The following TRMT44 variants were observed in gnomAD, a reference collection of about 807,000 sequenced individuals.
TRMT44 encodes the protein probable tRNA (uracil-O(2)-)-methyltransferase.
TRMT44 carries 78 observed loss-of-function variants against 77.3 expected under a neutral mutation model. The observed-to-expected ratio is 1.01, with a 90% confidence interval of 0.84 to 1.22. TRMT44 has a LOEUF of 1.22. Ranked by LOEUF, TRMT44 falls within the 50% of genes most tolerant of loss-of-function variation. The pLI is 0.00. For missense variants in TRMT44, 1,090 were observed against 964.4 expected (o/e 1.13, Z -1.73); for synonymous variants, 391 against 383.3 (o/e 1.02, Z -0.23).
At chr4:8,458,532 A>G (rs566696880) in intron 6 of TRMT44, among the ~76,000 whole-genome samples, 46 of 138,274 alleles carry the variant, frequency 3.3e-4, no homozygotes, top group Non-Finnish European at 5.6e-4. Context: ...GGTGTGATCT[A>G]GGTTCACTGC....
Position 8,446,623 on chromosome 4 carries a change from G to A in TRMT44, c.734+33G>A. 1.4e-6 allele frequency: 2 copies of A among 1,438,634 alleles called. No individual in the cohort carries two copies. Among genetic ancestry groups the A allele is most frequent in the African/African-American group, 1.4e-5 (1 of 70,534 alleles). 89.1% of individuals were successfully genotyped at this position (1,438,634 alleles called of 1,614,324 possible). A position where few individuals can be genotyped will look rare whatever the true frequency, so the allele number is the denominator to read the frequency against. ...CTGGACAGTGGACTCCTAGTTTTAT[G>A]GTTTCCATTGAGGATTTCTTTAGGT... is the stretch of plus-strand genomic sequence containing the variant. On this transcript the variant is annotated intron_variant, in intron 2 of 10. Transcript: ENST00000389737. This position sits in a 1 kb window ranked among gnomAD's most constrained non-coding sequence, Gnocchi z 4.3.
chr4:8,464,216 A>G (rs925234597), intron 7 of TRMT44, 125 bp downstream of exon 7: 11 of 661,460 alleles, frequency 1.7e-5, no homozygotes, highest in African/African-American at 1.1e-4. Context: ...GGTAGTTCCA[A>G]TTGTTGAAAT....
Position 8,454,742 on chromosome 4 carries a change from C to T in TRMT44, c.1132C>T (p.His378Tyr). Residue 378 changes from histidine (H) to tyrosine (Y), a missense_variant and splice_region_variant, in exon 6 of 11, where the codon CAT (histidine) becomes TAT (tyrosine). Coordinates refer to ENST00000389737, the MANE Select transcript of TRMT44 (RefSeq NM_152544.3). The part of the protein sequence containing the change: ...LLVHILSSEG[H>Y]PGRGIDVRRR... ...TGATTTCTAAAATTAATTTTTTCAG[C>T]ATCCAGGCAGAGGGATTGATGTCCG... 6.2e-7 allele frequency: 1 copy of T among 1,614,094 alleles called. No homozygotes were observed. Among genetic ancestry groups the T allele is most frequent in the Non-Finnish European group, 8.5e-7 (1 of 1,179,936 alleles).
At chr4:8,443,171 C>G (rs1724859693) in intron 1 of TRMT44, among the ~76,000 whole-genome samples, 2 of 152,122 alleles carry the variant, frequency 1.3e-5, no homozygotes, top group Admixed American at 6.5e-5. Flanking sequence ...CCAGTCCAGT[C>G]TAGTTTAGGA....
downstream of TRMT44, among the ~76,000 whole-genome samples, chr4:8,479,850 G>A (rs1174566623): frequency 6.6e-6 from 1 of 151,936 alleles, no homozygotes; most frequent in Non-Finnish European, 1.5e-5. Context: ...AACACACATC[G>A]TACAGCTGTA....
At position 8,441,103 on chromosome 4, in the gene TRMT44, G is replaced by A. The variant is rs1214160375; in HGVS notation, c.281G>A (p.Gly94Asp). The change falls in exon 1 of 11, where the codon GGC becomes GAC. Residue 94 changes from glycine to aspartate, a missense_variant. By Grantham distance (94) the Gly-to-Asp change is moderately conservative (BLOSUM62 -1). Transcript: ENST00000389737. Reference protein sequence around the residue: ...GPRSLSGPEQGTACCELEEAQ... With the variant: ...GPRSLSGPEQDTACCELEEAQ... ...AGGTCGCTATCAGGACCCGAGCAGG[G>A]CACGGCATGTTGCGAACTTGAGGAG... 6.6e-7 allele frequency: 1 copy of A among 1,515,372 alleles called. No individual in the cohort carries two copies. Among genetic ancestry groups the A allele is most frequent in the South Asian group, 1.2e-5 (1 of 81,458 alleles). 93.9% of individuals were successfully genotyped at this position (1,515,372 alleles called of 1,614,324 possible).
At chr4:8,513,787 A>G in the TRMT44 span, among the ~76,000 whole-genome samples, 1 of 152,214 alleles carries the variant, frequency 6.6e-6, no homozygotes, top group East Asian at 1.9e-4. Flanking sequence ...AAGGTGTCTC[A>G]TCTTGATCAG....
At chr4:8,512,789 C>T in the TRMT44 span, among the ~76,000 whole-genome samples, 1 of 152,202 alleles carries the variant, frequency 6.6e-6, no homozygotes, top group Non-Finnish European at 1.5e-5. Flanking sequence ...TTTGTCTGCT[C>T]ATCACCGAGT....
chr4:8,476,100 C>T lies in TRMT44; in HGVS notation c.*99C>T, dbSNP rs1727367601. 9.3e-7 allele frequency: 1 copy of T among 1,071,492 alleles called. No individual in the cohort carries two copies. The highest frequency in any genetic ancestry group is 1.4e-6 in the Non-Finnish European group (1 of 732,854). The allele number at this position is 1,071,492 out of a possible 1,614,324, so 66.4% of individuals were successfully genotyped here. A position where few individuals can be genotyped will look rare whatever the true frequency, so the allele number is the denominator to read the frequency against. ...TGTGGTCTCTGCTCTGGCTGTGTTTCAGCCCACCTCCTCCCAGCTTTCTCC... is the reference window on the plus strand; with the variant it reads ...TGTGGTCTCTGCTCTGGCTGTGTTTTAGCCCACCTCCTCCCAGCTTTCTCC... On this transcript the variant is annotated 3_prime_UTR_variant, in exon 11 of 11. Transcript: ENST00000389737.
At chr4:8,496,291 T>TC (rs1394237439), downstream of TRMT44, among the ~76,000 whole-genome samples, 1 of 152,218 alleles carries the variant, frequency 6.6e-6, no homozygotes, top group Admixed American at 6.5e-5. Flanking sequence ...GTATGATGTG[T>TC]CCAATTCTTT....
At chr4:8,516,053 G>T in the TRMT44 span, among the ~76,000 whole-genome samples, 412 of 152,238 alleles carry the variant, frequency 2.7e-3, 2 homozygotes, top group Non-Finnish European at 4.1e-3. Flanking sequence ...CCAGCTGTAC[G>T]CTGGGGGTCT....
intron 2 of TRMT44, among the ~76,000 whole-genome samples, chr4:8,483,157 T>TC: frequency 6.6e-6 from 1 of 152,148 alleles, no homozygotes; most frequent in East Asian, 1.9e-4. Context: ...GTATAAAAGG[T>TC]CTAAGAATTG....
chr4:8,494,456 A>G (rs936346433), downstream of TRMT44, among the ~76,000 whole-genome samples: 2 of 152,202 alleles, frequency 1.3e-5, no homozygotes, highest in Non-Finnish European at 2.9e-5. Flanking sequence ...ATGCAGGTTC[A>G]CTGAGCCAGA....
chr4:8,470,306 A>G (rs931750487), intron 9 of TRMT44, among the ~76,000 whole-genome samples: 16 of 152,110 alleles, frequency 1.1e-4, no homozygotes, highest in Non-Finnish European at 2.2e-4. Context: ...TGGTGTCCTG[A>G]TCCGTAGGGG....
In TRMT44 at chr4:8,488,551, C is replaced by T. The variant is rs138466291; in HGVS notation, n.3892-4715C>T. Among the ~76,000 whole-genome samples the T allele has an allele frequency of 3.8e-3, 578 of 152,280 alleles. 3 individuals carry two copies. Among genetic ancestry groups the T allele is most frequent in the African/African-American group, 0.013 (547 of 41,546 alleles). ...TAATGTCATCACTTAAGGCAAGGAC[C>T]GGCCATTTACACTTCTTTTGTGGTG... On this transcript the variant is annotated intron_variant and non_coding_transcript_variant, in intron 2 of 2. Coordinates refer to the TRMT44 transcript ENST00000511366.
At chr4:8,490,046 G>T (rs13141535) in intron 2 of TRMT44, among the ~76,000 whole-genome samples, 2 of 152,002 alleles carry the variant, frequency 1.3e-5, no homozygotes, top group African/African-American at 4.8e-5. Context: ...ACTTGGACCC[G>T]TCAACCCCTG....
chr4:8,449,950 T>TTTTTC, intron 3 of TRMT44, 62 bp downstream of exon 3: 3 of 174,110 alleles, frequency 1.7e-5, no homozygotes. Flanking sequence ...TTTTCTTTTC[T>TTTTTC]TTTTTTTTTT....
the TRMT44 span, among the ~76,000 whole-genome samples, chr4:8,503,595 C>T: frequency 1.4e-4 from 22 of 152,336 alleles, no homozygotes; most frequent in Non-Finnish European, 2.8e-4. Flanking sequence ...TCAGAGAACA[C>T]AGCAAAGAGT....
chr4:8,472,972 G>T lies in TRMT44; in HGVS notation c.2044+1772G>T, dbSNP rs1038224589. Among the ~76,000 whole-genome samples the T allele has an allele frequency of 4.6e-5, 7 of 152,140 alleles. No homozygotes were observed. In the East Asian group the frequency reaches 1.3e-3, roughly 29 times the overall value. On this transcript the variant is annotated intron_variant, in intron 10 of 10. Coordinates refer to ENST00000389737, the MANE Select transcript of TRMT44 (RefSeq NM_152544.3). ...TCTGCTTGTATGTCAGTGTTTTTCTGTGCAGGTCACCCTGGGGGGGCAAAC... is the reference window on the plus strand; with the variant it reads ...TCTGCTTGTATGTCAGTGTTTTTCTTTGCAGGTCACCCTGGGGGGGCAAAC...
Sources: gnomAD v4.1 joint callset for allele counts (sites outside exome capture counted in the v4.1 genomes callset) on GRCh38, gnomAD v4.1.1 for gene constraint, Gnocchi (gnomAD v3.1) non-coding constraint, MANE v1.5 for transcripts, NCBI Gene and HGNC (gene_info 2026-07-23, HGNC 2026-07-21) for gene names.